Variants in FRMD7 observed in about 807,000 individuals in gnomAD.
The protein encoded by FRMD7 is FERM domain-containing protein 7.
A neutral mutation model predicts 44.1 loss-of-function variants in FRMD7; 14 were observed. The observed-to-expected ratio is 0.32, with a 90% CI of 0.21 to 0.50. The LOEUF is 0.50. Among genes scored for constraint, FRMD7 ranks in the 20% least tolerant of loss-of-function variants. The probability of loss-of-function intolerance (pLI) is 0.99; values close to 1 mark genes in which losing one functional copy is unlikely to be tolerated. For missense variants in FRMD7, 501 were observed against 522.3 expected, an observed-to-expected ratio of 0.96 and a Z score of 0.40; for synonymous variants, 212 against 187.4, an observed-to-expected ratio of 1.13 and a Z score of -1.07.
At chrX:132,111,615 C>T (rs1306136445) in intron 1 of FRMD7, among the ~76,000 whole-genome samples, 1 of 111,980 alleles carries the variant, frequency 8.9e-6, no homozygotes, top group Non-Finnish European at 1.9e-5. Flanking sequence ...TGAACTAGTT[C>T]CTTCTGGCTA....
At chrX:132,126,863 C>T (rs1312778034) in intron 1 of FRMD7, among the ~76,000 whole-genome samples, 1 of 111,938 alleles carries the variant, frequency 8.9e-6, no homozygotes, top group Non-Finnish European at 1.9e-5. Flanking sequence ...GAAGTCATCA[C>T]TCACAAAGCA....
chrX:132,079,564 G>T (rs747345071), intron 11 of FRMD7, among the ~76,000 whole-genome samples: 1 of 112,079 alleles, frequency 8.9e-6, no homozygotes, highest in African/African-American at 3.2e-5. Flanking sequence ...GTCAAAGGAA[G>T]CCATCATCTC....
chrX:132,094,193 G>A, intron 4 of FRMD7, 54 bp from the exon 5 acceptor site: 5 of 744,305 alleles, frequency 6.7e-6, no homozygotes, highest in Admixed American at 2.2e-5. Context: ...TAAGAAAGAA[G>A]CATTTTCCTT....
chrX:132,115,422 T>C (rs1186008512), intron 1 of FRMD7, among the ~76,000 whole-genome samples: 3 of 112,687 alleles, frequency 2.7e-5, no homozygotes, highest in African/African-American at 6.4e-5. Context: ...CATTTTTAAT[T>C]TCATGCATTT....
intron 5 of FRMD7, among the ~76,000 whole-genome samples, chrX:132,092,802 C>A (rs1391667257): frequency 8.9e-6 from 1 of 111,779 alleles, no homozygotes; most frequent in Non-Finnish European, 1.9e-5. Context: ...TATGCTCCCA[C>A]CCCAGTGCCA....
Position 132,084,373 on chromosome X carries a change from C to T in FRMD7, c.741+117G>A. ...ATTTCTTCAAAGGCAAAAGAAAAGACACACCATCACTCAGGGCCAGCCGGC... is the reference window on the plus strand; with the variant it reads ...ATTTCTTCAAAGGCAAAAGAAAAGATACACCATCACTCAGGGCCAGCCGGC... On this transcript the variant is annotated intron_variant, in intron 8 of 11. Coordinates refer to ENST00000298542, the MANE Select transcript of FRMD7 (RefSeq NM_194277.3). 5.7e-6 allele frequency: 3 copies of T among 530,671 alleles called. No individual in the cohort carries two copies. In the South Asian group the frequency reaches 7.6e-5, roughly 13 times the overall value. 43.7% of individuals were successfully genotyped at this position (530,671 alleles called of 1,213,427 possible). A position where few individuals can be genotyped will look rare whatever the true frequency, so the allele number is the denominator to read the frequency against.
rs894711989 is a variant in FRMD7 at position 132,078,719 on chromosome X, G to A, written c.1298C>T (p.Pro433Leu). ...FNTEPNPNPD[P>L]RDIFSERSSL... Reference sequence around the variant, plus strand: ...ACTCCTCTCTGAAAAAATGTCTCTGGGATCAGGGTTAGGATTGGGCTCAGT... The same window carrying A: ...ACTCCTCTCTGAAAAAATGTCTCTGAGATCAGGGTTAGGATTGGGCTCAGT... The change falls in exon 12 of 12, where the codon CCC (proline) becomes CTC (leucine). Residue 433 changes from proline (P) to leucine (L), a missense_variant. Coordinates refer to ENST00000298542, the MANE Select transcript of FRMD7 (RefSeq NM_194277.3). 6 of 1,210,811 alleles carry A rather than the reference G, an allele frequency of 5.0e-6. No individual in the cohort carries two copies. Among genetic ancestry groups the A allele is most frequent in the Non-Finnish European group, 5.6e-6 (5 of 894,696 alleles).
chrX:132,085,792 G>C lies in FRMD7; in HGVS notation c.498-64C>G, dbSNP rs141000258. The stretch of plus-strand genomic sequence containing the variant: ...CAAGAATGACATTTCCACCCTGAGA[G>C]CTCCATGAGGATCTCAGCGTTTCAT... On this transcript the variant is annotated intron_variant, in intron 6 of 11. Transcript: ENST00000298542. 1,318 of 1,097,568 alleles carry C rather than the reference G, an allele frequency of 1.2e-3. 9 individuals are homozygous for C. In the African/African-American group the frequency reaches 0.02, roughly 17 times the overall value. The allele number at this position is 1,097,568 out of a possible 1,213,427, so 90.5% of individuals were successfully genotyped here. A position where few individuals can be genotyped will look rare whatever the true frequency, so the allele number is the denominator to read the frequency against.
At chrX:132,097,456 T>A (rs1169817594) in intron 3 of FRMD7, 112 bp from the exon 4 acceptor site, 1 of 552,919 alleles carries the variant, frequency 1.8e-6, no homozygotes, top group Non-Finnish European at 3.3e-6. Flanking sequence ...TCCTCTTCCG[T>A]CCCCTCCCCA....
At chrX:132,079,156 G>A (rs1446164246) in intron 11 of FRMD7, among the ~76,000 whole-genome samples, 190 bp from the exon 12 acceptor site, 1 of 112,399 alleles carries the variant, frequency 8.9e-6, no homozygotes, top group Non-Finnish European at 1.9e-5. Flanking sequence ...CACAGTGCAT[G>A]TGTTAAAAAG....
intron 1 of FRMD7, among the ~76,000 whole-genome samples, chrX:132,115,086 C>T (rs1441649440): frequency 8.9e-6 from 1 of 112,428 alleles, no homozygotes; most frequent in Non-Finnish European, 1.9e-5. Context: ...GCTTACAGCT[C>T]AGCAGTGTAA....
chrX:132,077,884 G>A lies in FRMD7; in HGVS notation c.2133C>T (p.Tyr711=), dbSNP rs780344859. Residue 711 remains tyrosine, a synonymous_variant, in exon 12 of 12, where the codon TAC becomes TAT. Coordinates refer to ENST00000298542, the MANE Select transcript of FRMD7 (RefSeq NM_194277.3). ...EDRTSLKPCN[Y]FLA is the part of the protein sequence containing the mutation. ...TAGGTTCACACTTTTAAGCTAAAAA[G>A]TAATTACATGGTTTTAGTGAAGTCC... is the stretch of plus-strand genomic sequence containing the variant. The A allele has an allele frequency of 1.5e-5, 18 of 1,210,106 alleles. No homozygotes were observed. Among genetic ancestry groups the A allele is most frequent in the Non-Finnish European group, 2.0e-5 (18 of 893,848 alleles).
At position 132,116,077 on chromosome X, in the gene FRMD7, C is replaced by T. The variant is rs139573634; in HGVS notation, c.57+11711G>A. ...TGAAATGTTTGCACCACACCCCTCC[C>T]GACTTAACACTTAACTTCCTAGAAT... On this transcript the variant is annotated intron_variant, in intron 1 of 11. Transcript: ENST00000298542. 7.1e-3 allele frequency among the ~76,000 whole-genome samples: 797 copies of T among 111,903 alleles called. 5 individuals are homozygous for T. Among genetic ancestry groups the T allele is most frequent in the African/African-American group, 0.024 (753 of 30,775 alleles).
At chrX:132,099,339 A>G (rs1298234460) in intron 3 of FRMD7, 129 bp downstream of exon 3, 2 of 529,504 alleles carry the variant, frequency 3.8e-6, no homozygotes, top group East Asian at 8.2e-5. Context: ...TGGATGTATG[A>G]AGGGTTGAAA....
At chrX:132,082,927 G>T (rs894657929) in intron 8 of FRMD7, among the ~76,000 whole-genome samples, 3 of 112,061 alleles carry the variant, frequency 2.7e-5, no homozygotes, top group Non-Finnish European at 5.6e-5. Context: ...AGATGGAAGG[G>T]TTTATAAGAT....
chrX:132,115,874 T>C (rs961298144), intron 1 of FRMD7, among the ~76,000 whole-genome samples: 4 of 110,741 alleles, frequency 3.6e-5, no homozygotes, highest in Non-Finnish European at 3.8e-5. Flanking sequence ...GGAGTCTTTG[T>C]AGATTCCTAG....
chrX:132,126,601 T>G (rs1421501801), intron 1 of FRMD7, among the ~76,000 whole-genome samples: 1 of 112,093 alleles, frequency 8.9e-6, no homozygotes, highest in Non-Finnish European at 1.9e-5. Context: ...AAGCAATATC[T>G]TTTGAATACC....
At chrX:132,104,329 G>C (rs1461729964) in intron 1 of FRMD7, among the ~76,000 whole-genome samples, 1 of 111,497 alleles carries the variant, frequency 9.0e-6, no homozygotes, top group Non-Finnish European at 1.9e-5. Flanking sequence ...AGCAAGGATG[G>C]TAGAAACTTT....
chrX:132,084,416 A>G, intron 8 of FRMD7, 74 bp downstream of exon 8: 1 of 633,839 alleles, frequency 1.6e-6, no homozygotes. Flanking sequence ...ATTTACATTC[A>G]AACGATTTGC....
Sources: gnomAD v4.1 joint callset for allele counts (sites outside exome capture counted in the v4.1 genomes callset) on GRCh38, gnomAD v4.1.1 for gene constraint, MANE v1.5 for transcripts, NCBI Gene and HGNC (gene_info 2026-07-23, HGNC 2026-07-21) for gene names.